The following ERBB4 variants were observed in gnomAD, a reference collection of about 807,000 sequenced individuals.
ERBB4 encodes the protein receptor tyrosine-protein kinase erbB-4.
A neutral mutation model predicts 158.0 loss-of-function variants in ERBB4; 42 were observed. The ratio of observed to expected loss-of-function variants is 0.27; its 90% CI spans 0.21 to 0.34. The LOEUF (loss-of-function observed/expected upper bound fraction) is 0.34. ERBB4 is among the 10% of genes least tolerant of loss of function. ERBB4 has a pLI of 1.00. For synonymous variants in ERBB4, 583 were observed against 558.7 expected (o/e 1.04, Z -0.61); for missense variants, 1,333 against 1,624.1 (o/e 0.82, Z 3.08).
At chr2:212,051,190 G>A (rs1418379353) in intron 2 of ERBB4, among the ~76,000 whole-genome samples, 2 of 152,112 alleles carry the variant, frequency 1.3e-5, no homozygotes, top group East Asian at 3.9e-4. Flanking sequence ...GGTTGTATCA[G>A]AGTCTGGCAT....
At chr2:212,283,933 C>T (rs1326608287) in intron 1 of ERBB4, among the ~76,000 whole-genome samples, 1 of 152,190 alleles carries the variant, frequency 6.6e-6, no homozygotes, top group Non-Finnish European at 1.5e-5. Flanking sequence ...CTTTCTCTTT[C>T]CTAAAGCCTC....
At chr2:212,195,591 G>A (rs565661576) in intron 1 of ERBB4, among the ~76,000 whole-genome samples, 12 of 152,040 alleles carry the variant, frequency 7.9e-5, no homozygotes, top group East Asian at 1.9e-4. Context: ...GTTAGAGTAC[G>A]TAAGAAAATT....
At chr2:212,519,024 C>G (rs1440316463) in intron 1 of ERBB4, among the ~76,000 whole-genome samples, 1 of 151,972 alleles carries the variant, frequency 6.6e-6, no homozygotes, top group Non-Finnish European at 1.5e-5. Flanking sequence ...TTACTAATGC[C>G]ATCCTGTGTG....
At chr2:211,925,316 C>T (rs1356682161) in intron 3 of ERBB4, among the ~76,000 whole-genome samples, 2 of 151,462 alleles carry the variant, frequency 1.3e-5, no homozygotes, top group African/African-American at 2.4e-5. Flanking sequence ...CCAACTTATT[C>T]CTGCTTCTAT....
chr2:211,741,665 G>T (rs1194318121), intron 5 of ERBB4, among the ~76,000 whole-genome samples: 1 of 151,974 alleles, frequency 6.6e-6, no homozygotes, highest in African/African-American at 2.4e-5. Flanking sequence ...CCACAGTATG[G>T]CCACAGAACA....
chr2:211,867,579 T>G (rs1422958414), intron 3 of ERBB4, among the ~76,000 whole-genome samples: 1 of 152,214 alleles, frequency 6.6e-6, no homozygotes, highest in Non-Finnish European at 1.5e-5. Context: ...TATGAATGTG[T>G]ATACTCTTAT....
intron 19 of ERBB4, among the ~76,000 whole-genome samples, chr2:211,581,410 A>T (rs2068100629): frequency 6.6e-6 from 1 of 152,240 alleles, no homozygotes; most frequent in South Asian, 2.1e-4. Flanking sequence ...ACACACCTAC[A>T]GAAAGATAAT....
At chr2:212,050,163 CT>C (rs2077363267) in intron 2 of ERBB4, among the ~76,000 whole-genome samples, 1 of 150,748 alleles carries the variant, frequency 6.6e-6, no homozygotes, top group Non-Finnish European at 1.5e-5. Context: ...TTTTTTTTTC[CT>C]TTCTATGTAC....
chr2:212,165,382 A>G (rs943058334), intron 1 of ERBB4, among the ~76,000 whole-genome samples: 1 of 151,794 alleles, frequency 6.6e-6, no homozygotes, highest in African/African-American at 2.4e-5. Flanking sequence ...TGTCTCACTC[A>G]CTTCACCATA....
chr2:211,885,251 A>G (rs964246264), intron 3 of ERBB4, among the ~76,000 whole-genome samples: 1 of 152,172 alleles, frequency 6.6e-6, no homozygotes, highest in African/African-American at 2.4e-5. Context: ...CATGTTTTAT[A>G]ATAGAGAGAG....
intron 1 of ERBB4, among the ~76,000 whole-genome samples, chr2:212,223,351 A>AT (rs1559782507): frequency 4.2e-5 from 6 of 143,526 alleles, no homozygotes; most frequent in African/African-American, 1.0e-4. Context: ...TATATATATA[A>AT]AATTGTCTTT....
intron 2 of ERBB4, among the ~76,000 whole-genome samples, chr2:212,049,041 A>T (rs2077331756): frequency 6.6e-6 from 1 of 152,232 alleles, no homozygotes; most frequent in Non-Finnish European, 1.5e-5. Flanking sequence ...GCTAAAGTTT[A>T]TCCAGACTCA....
intron 19 of ERBB4, among the ~76,000 whole-genome samples, chr2:211,587,064 T>C (rs1049902413): frequency 3.9e-5 from 6 of 152,056 alleles, no homozygotes; most frequent in African/African-American, 1.4e-4. Flanking sequence ...TGAGGAACCA[T>C]CTGTAGGTCA....
chr2:211,505,507 A>G (rs2065722726), intron 20 of ERBB4, among the ~76,000 whole-genome samples: 1 of 151,932 alleles, frequency 6.6e-6, no homozygotes, highest in Non-Finnish European at 1.5e-5. Context: ...TAAAAAAAAA[A>G]CATGTAAGTA....
Position 211,430,944 on chromosome 2 carries a change from C to T in ERBB4, c.2643+1G>A. ...AAGATTGCTCTCAAAAAGATACCCA[C>T]CTTTCCTCCATCAGCATTGTACTCT... On this transcript the variant is annotated splice_donor_variant, in intron 21 of 27. Coordinates refer to ENST00000342788, the MANE Select transcript of ERBB4 (RefSeq NM_005235.3). LOFTEE classifies it high-confidence loss of function. 2 of 1,612,480 alleles carry T rather than the reference C, an allele frequency of 1.2e-6. No homozygotes were observed. The highest frequency in any genetic ancestry group is 1.7e-6 in the Non-Finnish European group (2 of 1,178,552).
intron 4 of ERBB4, among the ~76,000 whole-genome samples, chr2:211,783,362 T>A (rs891794795): frequency 6.6e-6 from 1 of 152,206 alleles, no homozygotes; most frequent in African/African-American, 2.4e-5. Flanking sequence ...CCTTTATTTC[T>A]TTCTCCTGCC....
intron 2 of ERBB4, among the ~76,000 whole-genome samples, chr2:212,015,210 G>C (rs959710591): frequency 1.4e-5 from 2 of 148,136 alleles, no homozygotes; most frequent in Non-Finnish European, 3.0e-5. Flanking sequence ...AGCTTGCAGT[G>C]AGCCAAGATC....
intron 1 of ERBB4, among the ~76,000 whole-genome samples, chr2:212,287,041 G>A (rs1484097963): frequency 6.6e-6 from 1 of 151,668 alleles, no homozygotes; most frequent in Non-Finnish European, 1.5e-5. Flanking sequence ...TAAACAACGC[G>A]CTGACACAAC....
intron 20 of ERBB4, among the ~76,000 whole-genome samples, chr2:211,502,547 TGA>T (rs1298769223): frequency 2.0e-5 from 3 of 152,152 alleles, no homozygotes; most frequent in African/African-American, 7.2e-5. Context: ...TCCATGAACA[TGA>T]GTGTGCTACA....
Sources: gnomAD v4.1 joint callset for allele counts (sites outside exome capture counted in the v4.1 genomes callset) on GRCh38, gnomAD v4.1.1 for gene constraint, MANE v1.5 for transcripts, NCBI Gene and HGNC (gene_info 2026-07-23, HGNC 2026-07-21) for gene names.